Variants in ERO1B observed in about 807,000 individuals in gnomAD.
The protein encoded by ERO1B is ERO1-like protein beta.
ERO1B carries 49 observed loss-of-function variants against 75.3 expected under a neutral mutation model. That is an observed-to-expected ratio of 0.65 (90% CI 0.52 to 0.83). The LOEUF is 0.83. ERO1B is among the 40% of genes least tolerant of loss of function. The pLI, the probability that ERO1B is intolerant of heterozygous loss-of-function variation, is 0.00. For missense variants in ERO1B, 512 were observed against 560.1 expected (o/e 0.91, Z 0.87); for synonymous variants, 191 against 192.9 (o/e 0.99, Z 0.08).
At chr1:236,230,340 G>GAGCCACCATGCCCTGCA in intron 9 of ERO1B, 90 bp from the exon 10 acceptor site, 1 of 1,149,216 alleles carries the variant, frequency 8.7e-7, no homozygotes, top group Non-Finnish European at 1.3e-6. Flanking sequence ...TGCAGGGCAT[G>GAGCCACCATGCCCTGCA]GTGGCTCATG....
At chr1:236,237,980 C>T (rs145815040) in intron 6 of ERO1B, among the ~76,000 whole-genome samples, 58 of 152,292 alleles carry the variant, frequency 3.8e-4, no homozygotes, top group Non-Finnish European at 5.3e-4. Flanking sequence ...GCTGAGATTA[C>T]AGGCACTCGC....
rs371023338 is a variant in ERO1B, at chr1:236,236,347, C to T, written c.557G>A (p.Arg186His). The change falls in exon 7 of 16, where the codon CGT becomes CAT. Residue 186 changes from arginine (R) to histidine (H), a missense_variant. By Grantham distance (29) the Arg-to-His change is conservative (BLOSUM62 0). Coordinates refer to ENST00000354619, the MANE Select transcript of ERO1B (RefSeq NM_019891.4). ...AGAGGTCCCTTTATAGCCAGTGTAA[C>T]GCTCTGGGTTCAGCAATAGGTCTAC... is the stretch of plus-strand genomic sequence containing the variant. ...QYVDLLLNPE[R>H]YTGYKGTSAW... is the part of the protein sequence containing the mutation. 3.4e-4 allele frequency: 541 copies of T among 1,613,194 alleles called. 7 individuals carry two copies. The South Asian group carries it at 4.9e-3, about 15-fold the overall frequency.
chr1:236,278,125 A>C (rs2102968842), intron 1 of ERO1B, among the ~76,000 whole-genome samples: 1 of 152,230 alleles, frequency 6.6e-6, no homozygotes, highest in South Asian at 2.1e-4. Flanking sequence ...GTTTGAGTTG[A>C]AAATAAATTC....
chr1:236,233,231 C>T lies in ERO1B; in HGVS notation c.674-392G>A, dbSNP rs1292722509. Among the ~76,000 whole-genome samples the T allele has an allele frequency of 6.6e-5, 10 of 151,588 alleles. No individual in the cohort carries two copies. The East Asian group carries it at 2.0e-3, about 30-fold the overall frequency. On this transcript the variant is annotated intron_variant, in intron 8 of 15. Transcript: ENST00000354619. ...GGCTGAGGCAGGAGAATCACTTGAA[C>T]CCAGGAGGTGGAGGTTTCAGTGAGC... is the stretch of plus-strand genomic sequence containing the variant.
chr1:236,250,572 CATATATATATATATATATATATATATAT>C lies in ERO1B; in HGVS notation c.349-633_349-606del, dbSNP rs1171832762. Among the ~76,000 whole-genome samples, 234 of 86,418 alleles carry C rather than the reference CATATATATATATATATATATATATATAT, an allele frequency of 2.7e-3. 4 individuals are homozygous for C. The highest frequency in any genetic ancestry group is 7.2e-3 in the African/African-American group (169 of 23,632). 56.7% of individuals were successfully genotyped at this position (86,418 alleles called of 152,430 possible). A position where few individuals can be genotyped will look rare whatever the true frequency, so the allele number is the denominator to read the frequency against. On this transcript the variant is annotated intron_variant, in intron 4 of 15. Transcript: ENST00000354619. ...AACCCTCTTGGGAAGTAAATTTGAC[CATATATATATATATATATATATATATAT>C]ATATATATATATATATATCAAACGT...
intron 10 of ERO1B, among the ~76,000 whole-genome samples, chr1:236,230,006 T>G (rs1215944106): frequency 6.6e-6 from 1 of 152,184 alleles, no homozygotes; most frequent in Non-Finnish European, 1.5e-5. Flanking sequence ...ATGACAGTAT[T>G]TGGCCTGTGT....
At chr1:236,280,343 A>G (rs1665805623) in intron 1 of ERO1B, among the ~76,000 whole-genome samples, 1 of 152,240 alleles carries the variant, frequency 6.6e-6, no homozygotes, top group African/African-American at 2.4e-5. Flanking sequence ...GCCAAAGACA[A>G]TTTGGAAAAT....
rs72105058 is a variant in ERO1B, at chr1:236,276,137, A to AG, written c.102+5544dup. ...CCAATTTGGCTGGAGCTTATGTATA[A>AG]GGGGGGAAGACTGTGGAAAAAGCAG... On this transcript the variant is annotated intron_variant, in intron 1 of 15. Coordinates refer to ENST00000354619, the MANE Select transcript of ERO1B (RefSeq NM_019891.4). 9.2e-5 allele frequency among the ~76,000 whole-genome samples: 14 copies of AG among 152,340 alleles called. No homozygotes were observed. The East Asian group carries it at 1.2e-3, about 13-fold the overall frequency.
chr1:236,238,253 A>G (rs1664591811), intron 6 of ERO1B, among the ~76,000 whole-genome samples: 2 of 152,250 alleles, frequency 1.3e-5, no homozygotes, highest in Non-Finnish European at 2.9e-5. Context: ...TATAAAAAGC[A>G]AGGCAAGGAA....
intron 9 of ERO1B, among the ~76,000 whole-genome samples, chr1:236,231,805 G>C (rs1664415595): frequency 6.6e-6 from 1 of 152,114 alleles, no homozygotes; most frequent in South Asian, 2.1e-4. Flanking sequence ...TCAACATATA[G>C]TAAGGATCAT....
chr1:236,216,781 A>T lies in ERO1B; in HGVS notation c.*1735T>A, dbSNP rs1025640192. ...TTTTCACATCTTAAACTCTGAGTGA[A>T]TACTAAGAATAATTCTTACTAATTT... On this transcript the variant is annotated 3_prime_UTR_variant, in exon 16 of 16. Coordinates refer to ENST00000354619, the MANE Select transcript of ERO1B (RefSeq NM_019891.4). 6.6e-6 allele frequency: 1 copy of T among 152,124 alleles called. No individual in the cohort carries two copies. The highest frequency in any genetic ancestry group is 1.5e-5 in the Non-Finnish European group (1 of 67,986). The allele number at this position is 152,124 out of a possible 1,614,324, so 9.4% of individuals were successfully genotyped here.
intron 15 of ERO1B, 109 bp downstream of exon 15, chr1:236,220,723 T>A (rs1664117565): frequency 5.8e-6 from 6 of 1,041,840 alleles, no homozygotes; most frequent in Middle Eastern, 2.9e-4. Flanking sequence ...CAATATAAAA[T>A]TTTTTTTTGT....
rs1553375584 is a variant in ERO1B at position 236,279,515 on chromosome 1, A to AAAAAAC, written c.102+2161_102+2166dup. Among the ~76,000 whole-genome samples the AAAAAAC allele has an allele frequency of 1.4e-3, 196 of 142,454 alleles. 8 individuals are homozygous for AAAAAAC. The highest frequency in any genetic ancestry group is 2.1e-3 in the Non-Finnish European group (137 of 64,992). The allele number at this position is 142,454 out of a possible 152,430, so 93.5% of individuals were successfully genotyped here. On this transcript the variant is annotated intron_variant, in intron 1 of 15. Transcript: ENST00000354619. Reference sequence around the variant, plus strand: ...GCGAGACTCCATCTCAAAAAAAAAAAAAAAACAGCACAGTAGAAAGTACTG... The same window carrying AAAAAAC: ...GCGAGACTCCATCTCAAAAAAAAAAAAAAAACAAAAACAGCACAGTAGAAAGTACTG...
At chr1:236,239,368 T>C (rs1310676754) in intron 6 of ERO1B, among the ~76,000 whole-genome samples, 5 of 152,164 alleles carry the variant, frequency 3.3e-5, no homozygotes, top group African/African-American at 9.7e-5. Flanking sequence ...AGATGAGTAA[T>C]TCCAACAGAG....
chr1:236,258,558 C>A (rs1456703340), intron 2 of ERO1B, among the ~76,000 whole-genome samples: 1 of 152,108 alleles, frequency 6.6e-6, no homozygotes, highest in Non-Finnish European at 1.5e-5. Context: ...ATCCTTCAAG[C>A]TGAAGAAAAA....
intron 1 of ERO1B, among the ~76,000 whole-genome samples, chr1:236,278,907 T>C (rs1665764571): frequency 6.6e-6 from 1 of 152,228 alleles, no homozygotes; most frequent in South Asian, 2.1e-4. Context: ...TGAACAGAGG[T>C]AGTTTTCAAA....
chr1:236,279,132 T>C (rs1018755959), intron 1 of ERO1B, among the ~76,000 whole-genome samples: 1 of 152,240 alleles, frequency 6.6e-6, no homozygotes, highest in Non-Finnish European at 1.5e-5. Context: ...TTTAAGTTCT[T>C]TGAACTTCAA....
At chr1:236,237,411 G>A (rs1000876067) in intron 6 of ERO1B, among the ~76,000 whole-genome samples, 1 of 151,898 alleles carries the variant, frequency 6.6e-6, no homozygotes, top group East Asian at 1.9e-4. Context: ...CACTGTGCCC[G>A]GCCCTATTTG....
intron 6 of ERO1B, 33 bp downstream of exon 6, chr1:236,243,389 A>G: frequency 7.3e-7 from 1 of 1,373,280 alleles, no homozygotes; most frequent in South Asian, 1.4e-5. Flanking sequence ...GTTAAAGTTA[A>G]AATAATTTAA....
Sources: gnomAD v4.1 joint callset for allele counts (sites outside exome capture counted in the v4.1 genomes callset) on GRCh38, gnomAD v4.1.1 for gene constraint, MANE v1.5 for transcripts, NCBI Gene and HGNC (gene_info 2026-07-23, HGNC 2026-07-21) for gene names.